Variants in ZCCHC24 observed in about 807,000 individuals in gnomAD.
The protein encoded by ZCCHC24 is zinc finger CCHC-type containing 24, also known as zinc finger CCHC domain-containing protein 24.
ZCCHC24 carries 10 observed loss-of-function variants against 26.2 expected under a neutral mutation model. The observed-to-expected ratio is 0.38, with a 90% CI of 0.24 to 0.65. ZCCHC24 has a LOEUF of 0.65. Among genes scored for constraint, ZCCHC24 ranks in the 30% least tolerant of loss-of-function variants. The pLI, the probability that ZCCHC24 is intolerant of heterozygous loss-of-function variation, is 0.54. For missense variants in ZCCHC24, 243 were observed against 329.1 expected, an observed-to-expected ratio of 0.74 and a Z score of 2.03; for synonymous variants, 144 against 147.1, an observed-to-expected ratio of 0.98 and a Z score of 0.15.
At chr10:79,424,771 G>A (rs1857003252) in intron 2 of ZCCHC24, among the ~76,000 whole-genome samples, 2 of 152,140 alleles carry the variant, frequency 1.3e-5, no homozygotes, top group African/African-American at 2.4e-5. Flanking sequence ...TCCCCCAGGA[G>A]CGCCTGCTGT....
At chr10:79,412,395 C>T (rs768623037) in intron 2 of ZCCHC24, among the ~76,000 whole-genome samples, 5 of 152,230 alleles carry the variant, frequency 3.3e-5, no homozygotes, top group Non-Finnish European at 7.3e-5. Context: ...GCGGACATGC[C>T]CGTGTACACC....
chr10:79,389,436 A>T (rs552502037), intron 3 of ZCCHC24, among the ~76,000 whole-genome samples: 34 of 152,212 alleles, frequency 2.2e-4, no homozygotes, highest in African/African-American at 7.7e-4. Flanking sequence ...CTATCAGCTA[A>T]GGGCTGTTGG....
rs143506235 is a variant in ZCCHC24 at position 79,435,616 on chromosome 10, C to G, written c.247-2858G>C. Among the ~76,000 whole-genome samples the G allele has an allele frequency of 2.6e-5, 4 of 152,200 alleles. No individual in the cohort carries two copies. The East Asian group carries it at 7.7e-4, about 29-fold the overall frequency. ...CCCATCCCCCAGCCCTAATTCCAGA[C>G]GAACGCTACCTTAGAGCCGAAAGGG... On this transcript the variant is annotated intron_variant, in intron 1 of 3. Coordinates refer to ENST00000372336, the MANE Select transcript of ZCCHC24 (RefSeq NM_153367.4).
chr10:79,403,397 G>T lies in ZCCHC24; in HGVS notation c.448-8957C>A, dbSNP rs367771316. The T allele has an allele frequency of 1.3e-4, 132 of 985,464 alleles. 1 individual carries two copies. The African/African-American group carries it at 2.2e-3, about 16-fold the overall frequency. The allele number at this position is 985,464 out of a possible 1,614,324, so 61.0% of individuals were successfully genotyped here. On this transcript the variant is annotated intron_variant, in intron 2 of 3. Coordinates refer to ENST00000372336, the MANE Select transcript of ZCCHC24 (RefSeq NM_153367.4). The stretch of plus-strand genomic sequence containing the variant: ...CTGTGCTCTGTGGTACTGCTTTAGG[G>T]ACCAACCAAAGACCTCCACACTCAC...
intron 2 of ZCCHC24, among the ~76,000 whole-genome samples, chr10:79,404,318 G>A (rs1361391667): frequency 6.6e-6 from 1 of 152,214 alleles, no homozygotes; most frequent in East Asian, 1.9e-4. Flanking sequence ...GGAAAGCAAA[G>A]ACATTTTAAT....
chr10:79,397,505 A>T (rs1467016885), intron 2 of ZCCHC24, among the ~76,000 whole-genome samples: 1 of 152,078 alleles, frequency 6.6e-6, no homozygotes, highest in Non-Finnish European at 1.5e-5. Flanking sequence ...TGTGACTTCT[A>T]AGCCACCCCC....
chr10:79,403,584 C>G (rs191190839), intron 2 of ZCCHC24: 2 of 985,380 alleles, frequency 2.0e-6, no homozygotes, highest in Non-Finnish European at 2.4e-6. Flanking sequence ...AGGAAGGACG[C>G]GGCAAGAGGC....
At chr10:79,427,152 T>G (rs536036065) in intron 2 of ZCCHC24, among the ~76,000 whole-genome samples, 2 of 151,756 alleles carry the variant, frequency 1.3e-5, no homozygotes, top group East Asian at 3.9e-4. Flanking sequence ...ACAACAACTA[T>G]AAACATAGGT....
chr10:79,429,032 G>T (rs1857089644), intron 2 of ZCCHC24, among the ~76,000 whole-genome samples: 6 of 152,158 alleles, frequency 3.9e-5, no homozygotes, highest in Admixed American at 3.9e-4. Context: ...CGGCATCGCA[G>T]GTGAATTCTA....
intron 3 of ZCCHC24, among the ~76,000 whole-genome samples, chr10:79,391,724 G>A (rs140611578): frequency 4.0e-4 from 61 of 151,808 alleles, no homozygotes; most frequent in Non-Finnish European, 7.7e-4. Flanking sequence ...CGGGCCCCCG[G>A]TCTACTGACC....
At position 79,444,209 on chromosome 10, in the gene ZCCHC24, C is replaced by T. The variant is rs567641321; in HGVS notation, c.246+986G>A. On this transcript the variant is annotated intron_variant, in intron 1 of 3. Transcript: ENST00000372336. ...CCCCACAAGGGGAGGAAGTGAAGGC[C>T]ACAGATGGGTGTCTGAAATTCCCAA... 1.1e-5 allele frequency: 16 copies of T among 1,506,440 alleles called. No homozygotes were observed. The South Asian group carries it at 1.9e-4, about 18-fold the overall frequency. 93.3% of individuals were successfully genotyped at this position (1,506,440 alleles called of 1,614,324 possible).
rs374232580 is a variant in ZCCHC24 at position 79,397,992 on chromosome 10, C to T, written c.448-3552G>A. ...GGAACAGGAAGATGAAAGAGAAGAG[C>T]GAGGGGTGAGCCAGGAAGCACAGAC... On this transcript the variant is annotated intron_variant, in intron 2 of 3. Coordinates refer to ENST00000372336, the MANE Select transcript of ZCCHC24 (RefSeq NM_153367.4). 1.9e-4 allele frequency among the ~76,000 whole-genome samples: 29 copies of T among 152,224 alleles called. No homozygotes were observed. In the East Asian group the frequency reaches 3.1e-3, roughly 16 times the overall value.
intron 2 of ZCCHC24, among the ~76,000 whole-genome samples, chr10:79,424,328 TA>T (rs1462958157): frequency 1.3e-5 from 2 of 152,238 alleles, no homozygotes; most frequent in Non-Finnish European, 2.9e-5. Context: ...GTTCAATAAA[TA>T]ACTGCAGAGT....
At position 79,394,631 on chromosome 10, in the gene ZCCHC24, T is replaced by C. The variant is rs545323716; in HGVS notation, c.448-191A>G. On this transcript the variant is annotated intron_variant, in intron 2 of 3. Coordinates refer to ENST00000372336, the MANE Select transcript of ZCCHC24 (RefSeq NM_153367.4). ...GGGAATCCGAAGGCTGGGAGGCACA[T>C]AGGGAACAGAAAACAGAGGAGATGG... is the stretch of plus-strand genomic sequence containing the variant. 52 of 985,352 alleles carry C rather than the reference T, an allele frequency of 5.3e-5. No homozygotes were observed. In the African/African-American group the frequency reaches 8.9e-4, roughly 17 times the overall value. 61.0% of individuals were successfully genotyped at this position (985,352 alleles called of 1,614,324 possible).
At chr10:79,424,255 C>T (rs1856996757) in intron 2 of ZCCHC24, among the ~76,000 whole-genome samples, 1 of 152,218 alleles carries the variant, frequency 6.6e-6, no homozygotes, top group African/African-American at 2.4e-5. Flanking sequence ...CAGAGGGAGC[C>T]TTTCCTGTTT....
chr10:79,399,859 C>T (rs1564633175), intron 2 of ZCCHC24, among the ~76,000 whole-genome samples: 1 of 152,350 alleles, frequency 6.6e-6, no homozygotes, highest in East Asian at 1.9e-4. Flanking sequence ...TCAGTGTTTT[C>T]TTCCCATCCC....
rs750555292 is a variant in ZCCHC24, at chr10:79,386,317, G to T, written c.*28C>A. On this transcript the variant is annotated 3_prime_UTR_variant, in exon 4 of 4. Coordinates refer to ENST00000372336, the MANE Select transcript of ZCCHC24 (RefSeq NM_153367.4). ...CAGCGTCTCCTCGGGCTGGCGGGGG[G>T]TGGCTCTGGGTGCGGGCGGGCAGCC... 4.4e-6 allele frequency: 7 copies of T among 1,602,176 alleles called. No homozygotes were observed. Among genetic ancestry groups the T allele is most frequent in the South Asian group, 1.1e-5 (1 of 89,904 alleles).
intron 1 of ZCCHC24, among the ~76,000 whole-genome samples, chr10:79,438,338 T>C (rs1365215502): frequency 6.6e-6 from 1 of 152,202 alleles, no homozygotes; most frequent in Non-Finnish European, 1.5e-5. Flanking sequence ...CCCAGGCATC[T>C]ATCTGCGGCT....
rs188192455 is a variant in ZCCHC24, at chr10:79,395,743, G to A, written c.448-1303C>T. On this transcript the variant is annotated intron_variant, in intron 2 of 3. Transcript: ENST00000372336. ...TTTTTGTGATTCTTTTTTCATGCAG[G>A]AATAGCCTAATATTTTTCTTGTTGA... 1.9e-3 allele frequency among the ~76,000 whole-genome samples: 282 copies of A among 152,236 alleles called. 2 individuals carry two copies. The highest frequency in any genetic ancestry group is 6.4e-3 in the African/African-American group (265 of 41,534).
Sources: gnomAD v4.1 joint callset for allele counts (sites outside exome capture counted in the v4.1 genomes callset) on GRCh38, gnomAD v4.1.1 for gene constraint, MANE v1.5 for transcripts, NCBI Gene and HGNC (gene_info 2026-07-23, HGNC 2026-07-21) for gene names.